COL5A2: variants seen among roughly 807,000 people sequenced by gnomAD.
COL5A2 encodes the protein collagen alpha-2(V) chain.
In COL5A2, 23 loss-of-function variants were observed where a neutral mutation model predicts 208.2. That is an observed-to-expected ratio of 0.11 (90% CI 0.08 to 0.16). The LOEUF (loss-of-function observed/expected upper bound fraction) is 0.16. COL5A2 is among the 10% of genes least tolerant of loss of function. The probability of loss-of-function intolerance (pLI) is 1.00; values close to 1 mark genes in which losing one functional copy is unlikely to be tolerated. For missense variants in COL5A2, 1,590 were observed against 1,956.4 expected, an observed-to-expected ratio of 0.81 and a Z score of 3.53; for synonymous variants, 625 against 628.5, an observed-to-expected ratio of 0.99 and a Z score of 0.08.
At position 189,104,281 on chromosome 2, in the gene COL5A2, T is replaced by A; in HGVS notation, c.323-4A>T. 6.7e-7 allele frequency: 1 copy of A among 1,502,440 alleles called. No homozygotes were observed. Among genetic ancestry groups the A allele is most frequent in the Non-Finnish European group, 9.3e-7 (1 of 1,080,882 alleles). The allele number at this position is 1,502,440 out of a possible 1,614,324, so 93.1% of individuals were successfully genotyped here. A position where few individuals can be genotyped will look rare whatever the true frequency, so the allele number is the denominator to read the frequency against. ...ACACTTACCTTTCTTCCTCTACCTG[T>A]AAAAAGAAAAGAGTAAATGTGTTAT... is the stretch of plus-strand genomic sequence containing the variant. On this transcript the variant is annotated splice_region_variant and splice_polypyrimidine_tract_variant and intron_variant, in intron 2 of 53. Transcript: ENST00000374866.
In COL5A2 at chr2:189,060,722, A is replaced by G. The variant is rs747968003; in HGVS notation, c.2085+8T>C. ...TAGTGTTGCCATTATTATTATTTAA[A>G]CACTTACTTGATCACCTGGTTTTCC... On this transcript the variant is annotated splice_region_variant and intron_variant, in intron 31 of 53. Coordinates refer to ENST00000374866, the MANE Select transcript of COL5A2 (RefSeq NM_000393.5). 6.2e-7 allele frequency: 1 copy of G among 1,610,698 alleles called. No homozygotes were observed. Among genetic ancestry groups the G allele is most frequent in the Admixed American group, 1.7e-5 (1 of 59,984 alleles).
At chr2:189,063,137 G>A in intron 27 of COL5A2, 35 bp downstream of exon 27, 2 of 1,610,516 alleles carry the variant, frequency 1.2e-6, no homozygotes, top group Non-Finnish European at 1.7e-6. Flanking sequence ...TGAGGATCAT[G>A]ATGAGGTGGC....
At chr2:189,219,472 A>G (rs1689320571) in intron 1 of COL5A2, among the ~76,000 whole-genome samples, 1 of 152,170 alleles carries the variant, frequency 6.6e-6, no homozygotes, top group South Asian at 2.1e-4. Flanking sequence ...AGTCTCTCAA[A>G]TTGAATACAT....
At chr2:189,086,389 A>T (rs1410428410) in intron 9 of COL5A2, among the ~76,000 whole-genome samples, 4 of 152,134 alleles carry the variant, frequency 2.6e-5, no homozygotes, top group Non-Finnish European at 5.9e-5. Flanking sequence ...CTATGATCTG[A>T]TTTCATAGCT....
chr2:189,407,918 G>C, the COL5A2 span, among the ~76,000 whole-genome samples: 2 of 152,098 alleles, frequency 1.3e-5, no homozygotes, highest in African/African-American at 2.4e-5. Context: ...TGCCTTTCCA[G>C]TAACAGCAGC....
At chr2:189,437,891 T>G in the COL5A2 span, among the ~76,000 whole-genome samples, 316 of 152,266 alleles carry the variant, frequency 2.1e-3, 2 homozygotes, top group African/African-American at 6.5e-3. Flanking sequence ...ATGGTGTTTA[T>G]ATCTGTTGAA....
rs1453600390 is a variant in COL5A2 at position 189,053,306 on chromosome 2, T to C, written c.2553+118A>G. ...AAAAATGTATTGAAAATGAGAATATTGTCTAGAAAACTGTAAATTTTCCAG... is the reference window on the plus strand; with the variant it reads ...AAAAATGTATTGAAAATGAGAATATCGTCTAGAAAACTGTAAATTTTCCAG... On this transcript the variant is annotated intron_variant, in intron 38 of 53. Coordinates refer to ENST00000374866, the MANE Select transcript of COL5A2 (RefSeq NM_000393.5). 7.6e-6 allele frequency: 7 copies of C among 925,338 alleles called. No homozygotes were observed. In the East Asian group the frequency reaches 1.8e-4, roughly 24 times the overall value. The allele number at this position is 925,338 out of a possible 1,614,324, so 57.3% of individuals were successfully genotyped here. A position where few individuals can be genotyped will look rare whatever the true frequency, so the allele number is the denominator to read the frequency against.
At chr2:189,239,618 G>A in the COL5A2 span, among the ~76,000 whole-genome samples, 1 of 117,358 alleles carries the variant, frequency 8.5e-6, no homozygotes, top group African/African-American at 3.3e-5. Flanking sequence ...GGGGACTGTT[G>A]TGGGGTGGGG....
At chr2:189,254,728 G>GC in the COL5A2 span, among the ~76,000 whole-genome samples, 2 of 152,302 alleles carry the variant, frequency 1.3e-5, no homozygotes, top group East Asian at 3.9e-4. Flanking sequence ...GTCACCAGGG[G>GC]CCAAAAGACA....
intron 46 of COL5A2, 86 bp downstream of exon 46, chr2:189,045,714 T>C: frequency 1.0e-6 from 1 of 988,214 alleles, no homozygotes; most frequent in Non-Finnish European, 1.6e-6. Context: ...TGCACATGTA[T>C]GACTATGTGT....
the COL5A2 span, among the ~76,000 whole-genome samples, chr2:189,260,117 A>G: frequency 6.6e-6 from 1 of 152,226 alleles, no homozygotes; most frequent in East Asian, 1.9e-4. Flanking sequence ...AAATAAAAGT[A>G]GTTTTTAAAC....
chr2:189,102,246 C>T (rs975748284), intron 3 of COL5A2, among the ~76,000 whole-genome samples: 5 of 152,004 alleles, frequency 3.3e-5, no homozygotes, highest in Non-Finnish European at 7.4e-5. Context: ...GACCTACAAG[C>T]AAAATGCACT....
At chr2:189,187,127 C>T (rs1688862946) in intron 1 of COL5A2, among the ~76,000 whole-genome samples, 1 of 152,102 alleles carries the variant, frequency 6.6e-6, no homozygotes, top group African/African-American at 2.4e-5. Flanking sequence ...TAGCACTCTT[C>T]TCTTTACACA....
rs1441932176 is a variant in COL5A2 at position 189,224,529 on chromosome 2, A to G, written c.-42+619T>C. Among the ~76,000 whole-genome samples, 3 of 151,992 alleles carry G rather than the reference A, an allele frequency of 2.0e-5. No individual in the cohort carries two copies. The East Asian group carries it at 5.8e-4, about 29-fold the overall frequency. On this transcript the variant is annotated intron_variant, in intron 1 of 10. Transcript: ENST00000649966. ...CATGGCAAAACCCTGTCTCTACTAA[A>G]AATACAAAAATTAGCTGGGCATGGT...
intron 1 of COL5A2, among the ~76,000 whole-genome samples, chr2:189,150,162 C>T (rs535510881): frequency 7.9e-5 from 12 of 152,150 alleles, no homozygotes; most frequent in Non-Finnish European, 1.6e-4. Context: ...ACGAATCAAA[C>T]TAACAGGCTC....
chr2:189,395,531 G>A, the COL5A2 span, among the ~76,000 whole-genome samples: 1 of 152,014 alleles, frequency 6.6e-6, no homozygotes, highest in Non-Finnish European at 1.5e-5. Context: ...ATTTATATTA[G>A]TTAGTAATGA....
chr2:189,332,327 T>G, the COL5A2 span, among the ~76,000 whole-genome samples: 1 of 152,096 alleles, frequency 6.6e-6, no homozygotes, highest in South Asian at 2.1e-4. Flanking sequence ...AACCAACCTC[T>G]CCAGAATACA....
chr2:189,110,013 C>T (rs1055103015), intron 2 of COL5A2, among the ~76,000 whole-genome samples: 2 of 152,176 alleles, frequency 1.3e-5, no homozygotes, highest in African/African-American at 4.8e-5. Flanking sequence ...GCCCCAAATG[C>T]TTCAGATATT....
chr2:189,149,154 T>C (rs1302963185), intron 1 of COL5A2, among the ~76,000 whole-genome samples: 1 of 152,072 alleles, frequency 6.6e-6, no homozygotes, highest in African/African-American at 2.4e-5. Flanking sequence ...AATAAAAGTT[T>C]TGAAAAATGA....
Sources: gnomAD v4.1 joint callset for allele counts (sites outside exome capture counted in the v4.1 genomes callset) on GRCh38, gnomAD v4.1.1 for gene constraint, MANE v1.5 for transcripts, NCBI Gene and HGNC (gene_info 2026-07-23, HGNC 2026-07-21) for gene names.